The following ATG2B variants were observed in gnomAD, a reference collection of about 807,000 sequenced individuals.
ATG2B encodes the protein autophagy-related protein 2 homolog B.
Under a neutral mutation model 241.3 loss-of-function variants are expected in ATG2B, and 121 were observed. The ratio of observed to expected loss-of-function variants is 0.50; its 90% CI spans 0.43 to 0.58. The LOEUF is 0.58. Among genes scored for constraint, ATG2B ranks in the 20% least tolerant of loss-of-function variants. The pLI, the probability that ATG2B is intolerant of heterozygous loss-of-function variation, is 0.00. For synonymous variants in ATG2B, 858 were observed against 876.6 expected (o/e 0.98, Z 0.37); for missense variants, 2,306 against 2,491.6 (o/e 0.93, Z 1.59).
intron 1 of ATG2B, among the ~76,000 whole-genome samples, chr14:96,354,191 C>T (rs147255654): frequency 2.0e-5 from 3 of 152,138 alleles, no homozygotes; most frequent in Non-Finnish European, 4.4e-5. Context: ...TTGTTACATA[C>T]GTAAATGTGT....
chr14:96,320,935 T>C lies in ATG2B; in HGVS notation c.2879+1177A>G, dbSNP rs1684698215. Reference sequence around the variant, plus strand: ...TAAAACCAATTTGAAACCTCTCTAATGTGAATTGAATATACATTAGGTGCT... The same window carrying C: ...TAAAACCAATTTGAAACCTCTCTAACGTGAATTGAATATACATTAGGTGCT... On this transcript the variant is annotated intron_variant, in intron 18 of 41. Coordinates refer to ENST00000359933, the MANE Select transcript of ATG2B (RefSeq NM_018036.7). Among the ~76,000 whole-genome samples, 3 of 152,238 alleles carry C rather than the reference T, an allele frequency of 2.0e-5. No homozygotes were observed. In the South Asian group the frequency reaches 6.2e-4, roughly 32 times the overall value.
chr14:96,363,061 G>T lies in ATG2B; in HGVS notation c.-85C>A. On this transcript the variant is annotated 5_prime_UTR_variant, in exon 1 of 42. Coordinates refer to ENST00000359933, the MANE Select transcript of ATG2B (RefSeq NM_018036.7). ...GTAGCGACTCCGGCTCCAGGCCGCG[G>T]CGGGGCCTAAGCCTGGGGCGGCCCC... The T allele has an allele frequency of 6.5e-7, 1 of 1,528,858 alleles. No homozygotes were observed. The highest frequency in any genetic ancestry group is 9.0e-7 in the Non-Finnish European group (1 of 1,109,554). 94.7% of individuals were successfully genotyped at this position (1,528,858 alleles called of 1,614,324 possible). A position where few individuals can be genotyped will look rare whatever the true frequency, so the allele number is the denominator to read the frequency against.
At chr14:96,324,046 AAAAG>A in intron 15 of ATG2B, 48 bp from the exon 16 acceptor site, 1 of 1,265,698 alleles carries the variant, frequency 7.9e-7, no homozygotes, top group Non-Finnish European at 1.1e-6. Context: ...CTCAAGTACT[AAAAG>A]AAGAGATGGA....
At position 96,315,519 on chromosome 14, in the gene ATG2B, C is replaced by A; in HGVS notation, c.3426G>T (p.Trp1142Cys). 1 of 1,614,142 alleles carries A rather than the reference C, an allele frequency of 6.2e-7. No homozygotes were observed. Among genetic ancestry groups the A allele is most frequent in the Non-Finnish European group, 8.5e-7 (1 of 1,180,020 alleles). Residue 1142 changes from tryptophan to cysteine, a missense_variant, in exon 22 of 42, where the codon TGG (tryptophan) becomes TGT (cysteine). Around this residue, in one of 2 missense-constraint regions of ATG2B, gnomAD observed 1,927 missense variants for 2,011.2 expected, o/e 0.96. Coordinates refer to ENST00000359933, the MANE Select transcript of ATG2B (RefSeq NM_018036.7). Reference protein sequence around the residue: ...TRLPSSTRPHWLEPTIYSSEE... With the variant: ...TRLPSSTRPHCLEPTIYSSEE... ...CAGAGGAATAAATAGTAGGTTCCAA[C>A]CAGTGTGGGCGGGTTGAGCTGGGAA...
chr14:96,311,467 G>T (rs1434755046), intron 27 of ATG2B, 75 bp downstream of exon 27: 1 of 1,351,692 alleles, frequency 7.4e-7, no homozygotes, highest in Non-Finnish European at 1.0e-6. Flanking sequence ...TAGGTACACG[G>T]AAAAATGTTA....
chr14:96,313,479 A>G, intron 23 of ATG2B, 44 bp from the exon 24 acceptor site: 2 of 1,116,344 alleles, frequency 1.8e-6, no homozygotes, highest in Non-Finnish European at 2.6e-6. Context: ...AGAAGAAAAA[A>G]AAGGTTTCAT....
At chr14:96,309,818 C>G (rs899119874) in intron 28 of ATG2B, among the ~76,000 whole-genome samples, 13 of 152,128 alleles carry the variant, frequency 8.5e-5, no homozygotes, top group African/African-American at 2.9e-4. Context: ...TCAAAGCAAG[C>G]ACAGTGAACT....
chr14:96,340,826 G>A (rs1888012773), intron 6 of ATG2B, among the ~76,000 whole-genome samples: 2 of 151,482 alleles, frequency 1.3e-5, no homozygotes, highest in African/African-American at 4.9e-5. Context: ...GCTGAGGCGG[G>A]AGGGTTGCTT....
chr14:96,327,854 G>A (rs910085994), intron 14 of ATG2B, among the ~76,000 whole-genome samples: 2 of 151,880 alleles, frequency 1.3e-5, no homozygotes, highest in African/African-American at 2.4e-5. Context: ...ACAGAGTCTC[G>A]CTCTGTCACC....
rs1403100512 is a variant in ATG2B, at chr14:96,311,624, ATTT to A, written c.3914-9_3914-7del. On this transcript the variant is annotated splice_polypyrimidine_tract_variant and splice_region_variant and intron_variant, in intron 26 of 41. Coordinates refer to ENST00000359933, the MANE Select transcript of ATG2B (RefSeq NM_018036.7). The stretch of plus-strand genomic sequence containing the variant: ...ATCCATCACACGAACATAATCTAAA[ATTT>A]TTAAAATTAAGAAAATCTCTTCAGT... The A allele has an allele frequency of 6.3e-7, 1 of 1,597,318 alleles. No individual in the cohort carries two copies. The highest frequency in any genetic ancestry group is 1.3e-5 in the African/African-American group (1 of 74,716).
chr14:96,350,286 A>G (rs1482175526), intron 1 of ATG2B, among the ~76,000 whole-genome samples: 2 of 152,216 alleles, frequency 1.3e-5, no homozygotes. Context: ...ATATTTAAGA[A>G]AAGGGTTATG....
Position 96,290,127 on chromosome 14 carries a change from T to C in ATG2B, c.5856+309A>G, listed in dbSNP as rs1453050531. ...TGATCTTTAATACTTCTGTTTAATC[T>C]ACAACGCCTTCTTCAAATTTAGCTA... On this transcript the variant is annotated intron_variant, in intron 40 of 41. Transcript: ENST00000359933. This position sits in a 1 kb window ranked among gnomAD's most constrained non-coding sequence, Gnocchi z 4.4. The C allele has an allele frequency of 1.6e-6, 2 of 1,245,868 alleles. No individual in the cohort carries two copies. The highest frequency in any genetic ancestry group is 2.0e-6 in the Non-Finnish European group (2 of 988,522). 77.2% of individuals were successfully genotyped at this position (1,245,868 alleles called of 1,614,324 possible).
chr14:96,316,565 A>G lies in ATG2B; in HGVS notation c.3329T>C (p.Leu1110Pro), dbSNP rs755007096. The G allele has an allele frequency of 6.2e-7, 1 of 1,613,702 alleles. No individual in the cohort carries two copies. Among genetic ancestry groups the G allele is most frequent in the Admixed American group, 1.7e-5 (1 of 59,974 alleles). Reference protein sequence around the residue: ...EGFDDKHYICLHSSSFSLYHK... With the variant: ...EGFDDKHYICPHSSSFSLYHK... ...GTACAGACTGAAACTGCTAGAATGA[A>G]GGCAAATGTAGTGCTTGTCATCAAA... Residue 1110 changes from leucine to proline, a missense_variant, in exon 21 of 42, where the codon CTT (leucine) becomes CCT (proline). Around this residue, in one of 2 missense-constraint regions of ATG2B, gnomAD observed 1,927 missense variants for 2,011.2 expected, o/e 0.96. Coordinates refer to ENST00000359933, the MANE Select transcript of ATG2B (RefSeq NM_018036.7).
intron 1 of ATG2B, among the ~76,000 whole-genome samples, chr14:96,356,984 C>G (rs1433885757): frequency 6.6e-6 from 1 of 152,104 alleles, no homozygotes; most frequent in African/African-American, 2.4e-5. Context: ...ACTAAAACCC[C>G]TAACCTTGCT....
At chr14:96,352,980 C>T (rs935328296) in intron 1 of ATG2B, among the ~76,000 whole-genome samples, 1 of 152,194 alleles carries the variant, frequency 6.6e-6, no homozygotes, top group African/African-American at 2.4e-5. Context: ...GTGCCCCATA[C>T]AGCCATATCA....
chr14:96,349,418 G>A (rs1048844952), intron 1 of ATG2B, among the ~76,000 whole-genome samples: 4 of 152,152 alleles, frequency 2.6e-5, no homozygotes, highest in African/African-American at 7.2e-5. Context: ...AAGCAAGGAC[G>A]CCATGATGAG....
Position 96,339,401 on chromosome 14 carries a change from A to ATG in ATG2B, c.924+2119_924+2120dup, listed in dbSNP as rs538134077. Among the ~76,000 whole-genome samples, 142 of 151,978 alleles carry ATG rather than the reference A, an allele frequency of 9.3e-4. 1 individual carries two copies. The highest frequency in any genetic ancestry group is 3.2e-3 in the African/African-American group (134 of 41,450). ...GGTGTATATACACACATGTGTATAT[A>ATG]TGTATGTGGTGCGTGTATATATATA... On this transcript the variant is annotated intron_variant, in intron 6 of 41. Transcript: ENST00000359933.
At position 96,283,012 on chromosome 14, in the gene ATG2B, T is replaced by C. The variant is rs1339894545; in HGVS notation, c.*2743A>G. On this transcript the variant is annotated 3_prime_UTR_variant, in exon 42 of 42. Coordinates refer to ENST00000359933, the MANE Select transcript of ATG2B (RefSeq NM_018036.7). ...AAAGTGAAAGTCTATTGCTATGACA[T>C]CTAGAAGAAACACTGAGTTATCTAA... The C allele has an allele frequency of 6.6e-6, 1 of 152,186 alleles. No individual in the cohort carries two copies. Among genetic ancestry groups the C allele is most frequent in the Non-Finnish European group, 1.5e-5 (1 of 68,036 alleles). 9.4% of individuals were successfully genotyped at this position (152,186 alleles called of 1,614,324 possible). A position where few individuals can be genotyped will look rare whatever the true frequency, so the allele number is the denominator to read the frequency against.
At chr14:96,304,077 C>A (rs1229925463) in intron 32 of ATG2B, among the ~76,000 whole-genome samples, 2 of 152,202 alleles carry the variant, frequency 1.3e-5, no homozygotes, top group African/African-American at 4.8e-5. Context: ...CCCTACTGGT[C>A]TCTAGTCTCA....
Sources: allele counts gnomAD v4.1 joint callset (sites outside exome capture counted in the v4.1 genomes callset), GRCh38; gene constraint gnomAD v4.1.1; regional missense constraint gnomAD v4.1.1; non-coding constraint Gnocchi (gnomAD v3.1); transcripts MANE v1.5; gene names NCBI Gene and HGNC (gene_info 2026-07-23, HGNC 2026-07-21).